Variants in SCNN1B observed in about 807,000 individuals in gnomAD.
The protein encoded by SCNN1B is sodium channel epithelial 1 subunit beta.
SCNN1B carries 46 observed loss-of-function variants against 65.3 expected under a neutral mutation model. The ratio of observed to expected loss-of-function variants is 0.70; its 90% confidence interval spans 0.56 to 0.90. The LOEUF is 0.90. SCNN1B is among the 40% of genes least tolerant of loss of function. The pLI is 0.00. For synonymous variants in SCNN1B, 349 were observed against 330.6 expected, an observed-to-expected ratio of 1.06 and a Z score of -0.60; for missense variants, 751 against 830.5, an observed-to-expected ratio of 0.90 and a Z score of 1.18.
chr16:23,326,152 A>G (rs937369681), intron 1 of SCNN1B, among the ~76,000 whole-genome samples: 3 of 151,524 alleles, frequency 2.0e-5, no homozygotes, highest in African/African-American at 7.3e-5. Flanking sequence ...CCCTACAACT[A>G]TCTTTGCCTA....
chr16:23,344,122 T>TC (rs1962136872), intron 1 of SCNN1B, among the ~76,000 whole-genome samples: 1 of 152,224 alleles, frequency 6.6e-6, no homozygotes, highest in Admixed American at 6.5e-5. Flanking sequence ...TTAAATCAAT[T>TC]CCCCTTTTTT....
At chr16:23,365,587 GAGAA>G (rs1555488905) in intron 4 of SCNN1B, among the ~76,000 whole-genome samples, 2,525 of 86,904 alleles carry the variant, frequency 0.029, 73 homozygotes, top group Admixed American at 0.091. Flanking sequence ...AAGAAAGAAA[GAGAA>G]AGAAAGAAAG....
chr16:23,362,154 G>A (rs1351230949), intron 4 of SCNN1B, among the ~76,000 whole-genome samples: 3 of 151,952 alleles, frequency 2.0e-5, no homozygotes, highest in Non-Finnish European at 4.4e-5. Context: ...ACACCGGTCT[G>A]GCCAACATGG....
At chr16:23,307,968 C>T (rs1305601715) in intron 1 of SCNN1B, among the ~76,000 whole-genome samples, 2 of 152,008 alleles carry the variant, frequency 1.3e-5, no homozygotes, top group Non-Finnish European at 2.9e-5. Context: ...TTGCTTGAGC[C>T]CAGGAGATTG....
At chr16:23,340,057 T>C (rs1962023824) in intron 1 of SCNN1B, among the ~76,000 whole-genome samples, 2 of 152,312 alleles carry the variant, frequency 1.3e-5, no homozygotes, top group African/African-American at 4.8e-5. Context: ...TGACTAATGA[T>C]GGTGAGCATT....
intron 2 of SCNN1B, among the ~76,000 whole-genome samples, chr16:23,291,153 C>A (rs985736786): frequency 6.6e-6 from 1 of 151,742 alleles, no homozygotes; most frequent in African/African-American, 2.4e-5. Context: ...CCTCCACCTC[C>A]CAGGTTCAAG....
At chr16:23,379,159 A>G (rs540085804) in intron 11 of SCNN1B, among the ~76,000 whole-genome samples, 1 of 146,188 alleles carries the variant, frequency 6.8e-6, no homozygotes, top group South Asian at 2.2e-4. Flanking sequence ...CCATTCTCCC[A>G]CCCACGCAGC....
In SCNN1B at chr16:23,377,403, C is replaced by A; in HGVS notation, c.1404+17C>A. ...GCCTCCGAGGTGAGACAGTTGGGGG[C>A]CAAGCTCCTGGCTCCCACCTTTGGC... On this transcript the variant is annotated intron_variant, in intron 10 of 12. Transcript: ENST00000343070. The A allele has an allele frequency of 6.2e-7, 1 of 1,613,698 alleles. No homozygotes were observed. The highest frequency in any genetic ancestry group is 2.2e-5 in the East Asian group (1 of 44,880).
chr16:23,342,066 A>G (rs1352065765), intron 1 of SCNN1B, among the ~76,000 whole-genome samples: 1 of 152,252 alleles, frequency 6.6e-6, no homozygotes, highest in Non-Finnish European at 1.5e-5. Flanking sequence ...CATAACAGCC[A>G]AAAAGTAAAA....
intron 7 of SCNN1B, among the ~76,000 whole-genome samples, chr16:23,374,297 G>C (rs1282409397): frequency 9.0e-6 from 1 of 110,984 alleles, no homozygotes; most frequent in East Asian, 2.9e-4. Context: ...AAAGAGGCCG[G>C]GCGCGATGGC....
intron 2 of SCNN1B, among the ~76,000 whole-genome samples, chr16:23,297,128 T>A (rs913526883): frequency 2.0e-5 from 3 of 152,130 alleles, no homozygotes; most frequent in African/African-American, 2.4e-5. Context: ...TGGCACTGCA[T>A]CTCTGAGATT....
intron 1 of SCNN1B, among the ~76,000 whole-genome samples, chr16:23,321,560 C>G (rs1961587995): frequency 6.6e-6 from 1 of 152,154 alleles, no homozygotes; most frequent in Non-Finnish European, 1.5e-5. Flanking sequence ...CAGGCAAACC[C>G]TTGCTCTCTG....
At chr16:23,372,712 C>T (rs1361603739) in intron 7 of SCNN1B, among the ~76,000 whole-genome samples, 1 of 146,584 alleles carries the variant, frequency 6.8e-6, no homozygotes, top group Non-Finnish European at 1.5e-5. Flanking sequence ...CCAGGCTGGT[C>T]TTGAACTCCT....
At chr16:23,353,369 T>A in intron 3 of SCNN1B, 1 of 466,714 alleles carries the variant, frequency 2.1e-6, no homozygotes, top group South Asian at 2.2e-5. Flanking sequence ...GATCCAGGTA[T>A]TCTAATGAGG....
chr16:23,375,703 G>T (rs1367349064), intron 7 of SCNN1B, 35 bp from the exon 8 acceptor site: 25 of 1,432,668 alleles, frequency 1.7e-5, no homozygotes, highest in East Asian at 1.4e-4. Context: ...GACCATGCCT[G>T]TGTTCTCTCC....
At chr16:23,357,538 G>A (rs149712430) in intron 4 of SCNN1B, among the ~76,000 whole-genome samples, 2,070 of 152,288 alleles carry the variant, frequency 0.014, 43 homozygotes, top group African/African-American at 0.048. Context: ...AGCAGAGATC[G>A]CGCCACTACA....
intron 2 of SCNN1B, among the ~76,000 whole-genome samples, chr16:23,349,630 G>A (rs190707477): frequency 4.4e-4 from 67 of 152,214 alleles, no homozygotes; most frequent in Non-Finnish European, 9.0e-4. Context: ...CCTATTTATC[G>A]ATTCCACGCG....
intron 2 of SCNN1B, among the ~76,000 whole-genome samples, chr16:23,288,203 T>G (rs1228121332): frequency 6.6e-6 from 1 of 152,102 alleles, no homozygotes; most frequent in Non-Finnish European, 1.5e-5. Context: ...TTTTTTTTCT[T>G]CTTTTATTAG....
chr16:23,306,147 G>A (rs1232230964), intron 1 of SCNN1B, among the ~76,000 whole-genome samples: 4 of 152,028 alleles, frequency 2.6e-5, no homozygotes, highest in Non-Finnish European at 4.4e-5. Context: ...GGAAGCTGAA[G>A]TGGGAGAATC....
Sources: gnomAD v4.1 joint callset for allele counts (sites outside exome capture counted in the v4.1 genomes callset) on GRCh38, gnomAD v4.1.1 for gene constraint, MANE v1.5 for transcripts, NCBI Gene and HGNC (gene_info 2026-07-23, HGNC 2026-07-21) for gene names.